The following HDAC9 variants were observed in gnomAD, a reference collection of about 807,000 sequenced individuals.
The protein encoded by HDAC9 is histone deacetylase 9, also known as MEF-2 interacting transcription repressor (MITR) protein.
A neutral mutation model predicts 139.4 loss-of-function variants in HDAC9; 41 were observed. The ratio of observed to expected loss-of-function variants is 0.29; its 90% confidence interval spans 0.23 to 0.38. The LOEUF (loss-of-function observed/expected upper bound fraction) is 0.38. HDAC9 is among the 10% of genes least tolerant of loss of function. The pLI is 1.00. For missense variants in HDAC9, 1,147 were observed against 1,297.0 expected, an observed-to-expected ratio of 0.88 and a Z score of 1.78; for synonymous variants, 517 against 476.2, an observed-to-expected ratio of 1.09 and a Z score of -1.12.
intron 22 of HDAC9, among the ~76,000 whole-genome samples, chr7:18,879,274 A>G (rs1183728478): frequency 1.3e-5 from 2 of 152,152 alleles, no homozygotes; most frequent in Non-Finnish European, 2.9e-5. Flanking sequence ...CTATCAAACT[A>G]CCAATGACAT....
At chr7:18,614,697 C>A (rs753872346) in intron 6 of HDAC9, among the ~76,000 whole-genome samples, 1 of 152,150 alleles carries the variant, frequency 6.6e-6, no homozygotes, top group Non-Finnish European at 1.5e-5. Flanking sequence ...TTAAGTACAA[C>A]ATTTTTTCTA....
intron 13 of HDAC9, among the ~76,000 whole-genome samples, chr7:18,743,876 C>G (rs1279894284): frequency 6.6e-6 from 1 of 151,690 alleles, no homozygotes; most frequent in Non-Finnish European, 1.5e-5. Flanking sequence ...TTTAGTAATT[C>G]TACCATTTGA....
chr7:18,577,834 G>A (rs1053653198), intron 2 of HDAC9, among the ~76,000 whole-genome samples: 6 of 152,062 alleles, frequency 3.9e-5, no homozygotes, highest in Admixed American at 2.0e-4. Flanking sequence ...GGTGAAACTC[G>A]TCTGTGGTAA....
At chr7:18,453,766 A>T (rs1011522984) in intron 1 of HDAC9, among the ~76,000 whole-genome samples, 1 of 152,190 alleles carries the variant, frequency 6.6e-6, no homozygotes, top group Non-Finnish European at 1.5e-5. Flanking sequence ...AATGTCAGAT[A>T]TTTTATGCAG....
intron 25 of HDAC9, among the ~76,000 whole-genome samples, chr7:18,976,196 A>T (rs1474805009): frequency 2.6e-5 from 4 of 152,248 alleles, no homozygotes; most frequent in Non-Finnish European, 4.4e-5. Context: ...AGGGGATGAG[A>T]TAAATGGTGA....
chr7:18,136,498 A>T (rs1401157728), intron 1 of HDAC9, among the ~76,000 whole-genome samples: 1 of 152,186 alleles, frequency 6.6e-6, no homozygotes, highest in Admixed American at 6.5e-5. Context: ...GAAGGAAGGG[A>T]TCCAGTTTCA....
At chr7:18,722,797 C>G (rs1424953289) in intron 12 of HDAC9, among the ~76,000 whole-genome samples, 5 of 152,134 alleles carry the variant, frequency 3.3e-5, no homozygotes, top group Non-Finnish European at 7.4e-5. Flanking sequence ...TTTGAATAAA[C>G]TTCTCTCTTC....
intron 2 of HDAC9, among the ~76,000 whole-genome samples, chr7:18,499,920 A>C (rs1278166711): frequency 6.6e-6 from 1 of 152,142 alleles, no homozygotes; most frequent in Non-Finnish European, 1.5e-5. Context: ...GTCTACTTGA[A>C]AAGCAGAATC....
intron 2 of HDAC9, among the ~76,000 whole-genome samples, chr7:18,520,025 C>A (rs533768507): frequency 4.6e-5 from 7 of 151,880 alleles, no homozygotes; most frequent in South Asian, 2.1e-4. Context: ...GTACTTGTTT[C>A]CATTATTTTA....
intron 2 of HDAC9, among the ~76,000 whole-genome samples, chr7:18,528,578 G>T (rs1189068892): frequency 6.6e-6 from 1 of 151,922 alleles, no homozygotes; most frequent in East Asian, 1.9e-4. Context: ...AAATTACTTA[G>T]CAAACTCATA....
intron 25 of HDAC9, among the ~76,000 whole-genome samples, chr7:18,988,660 G>T (rs1468962109): frequency 6.6e-6 from 1 of 151,870 alleles, no homozygotes; most frequent in East Asian, 1.9e-4. Flanking sequence ...GTTGACAGTG[G>T]GGTGTTAAAG....
intron 24 of HDAC9, among the ~76,000 whole-genome samples, chr7:18,965,175 T>C (rs1395633524): frequency 6.6e-6 from 1 of 152,220 alleles, no homozygotes; most frequent in Non-Finnish European, 1.5e-5. Context: ...TCTGGCTTCA[T>C]GCTTGCTAAG....
At chr7:18,262,438 C>T (rs1194824110) in intron 2 of HDAC9, among the ~76,000 whole-genome samples, 2 of 152,100 alleles carry the variant, frequency 1.3e-5, no homozygotes, top group Non-Finnish European at 2.9e-5. Context: ...ATAAACATAA[C>T]CTGAGAGAAT....
chr7:18,765,482 T>G (rs1789751482), intron 15 of HDAC9, among the ~76,000 whole-genome samples: 1 of 152,020 alleles, frequency 6.6e-6, no homozygotes, highest in Admixed American at 6.6e-5. Context: ...TAGCCAGGCA[T>G]GGTGATGCGC....
chr7:18,934,900 A>G (rs1365561567), intron 22 of HDAC9, among the ~76,000 whole-genome samples: 1 of 152,182 alleles, frequency 6.6e-6, no homozygotes, highest in Non-Finnish European at 1.5e-5. Flanking sequence ...GGTGATAACA[A>G]GAAAACCAAC....
intron 2 of HDAC9, chr7:18,509,278 C>T (rs1212951615): frequency 2.0e-6 from 2 of 985,228 alleles, no homozygotes; most frequent in Non-Finnish European, 2.4e-6. Context: ...TTAATCTCCA[C>T]TTAACTTCTG....
chr7:18,771,816 C>T (rs1221239107), intron 16 of HDAC9, among the ~76,000 whole-genome samples: 1 of 152,054 alleles, frequency 6.6e-6, no homozygotes, highest in African/African-American at 2.4e-5. Flanking sequence ...TATAGTTAAA[C>T]TCAATGCGAC....
intron 2 of HDAC9, among the ~76,000 whole-genome samples, chr7:18,169,724 C>T (rs554995578): frequency 2.6e-5 from 4 of 151,952 alleles, no homozygotes; most frequent in East Asian, 3.9e-4. Context: ...GGTTTTCTGT[C>T]CTTGTGATAG....
intron 22 of HDAC9, among the ~76,000 whole-genome samples, chr7:18,918,827 G>C (rs1368253220): frequency 6.6e-6 from 1 of 152,010 alleles, no homozygotes; most frequent in Non-Finnish European, 1.5e-5. Flanking sequence ...ATTAATGAGA[G>C]TTCTCCTGTT....
Sources: gnomAD v4.1 joint callset for allele counts (sites outside exome capture counted in the v4.1 genomes callset) on GRCh38, gnomAD v4.1.1 for gene constraint, MANE v1.5 for transcripts, NCBI Gene and HGNC (gene_info 2026-07-23, HGNC 2026-07-21) for gene names.